Variants in TGIF1 observed in about 807,000 individuals in gnomAD.
The protein encoded by TGIF1 is TGFB induced factor homeobox 1.
In TGIF1, 4 loss-of-function variants were observed where a neutral mutation model predicts 19.3. The observed-to-expected ratio is 0.21, with a 90% CI of 0.10 to 0.47. The LOEUF is 0.47. Ranked by LOEUF, TGIF1 falls within the 20% of genes least tolerant of loss-of-function variation. TGIF1 has a pLI of 0.98. For missense variants in TGIF1, 275 were observed against 341.4 expected, an observed-to-expected ratio of 0.81 and a Z score of 1.53; for synonymous variants, 122 against 129.3, an observed-to-expected ratio of 0.94 and a Z score of 0.38.
chr18:3,449,342 C>T, upstream of TGIF1: 1 of 981,756 alleles, frequency 1.0e-6, no homozygotes, highest in African/African-American at 1.7e-5. Flanking sequence ...GGTTCGGCGA[C>T]TCGGGGTGTC....
Position 3,451,514 on chromosome 18 carries a change from GA to G in TGIF1, c.16+1011del, listed in dbSNP as rs1238749932. 2 of 996,306 alleles carry G rather than the reference GA, an allele frequency of 2.0e-6. No homozygotes were observed. Among genetic ancestry groups the G allele is most frequent in the African/African-American group, 3.5e-5 (2 of 57,706 alleles). The allele number at this position is 996,306 out of a possible 1,614,324, so 61.7% of individuals were successfully genotyped here. On this transcript the variant is annotated intron_variant, in intron 1 of 2. Transcript: ENST00000343820. This position sits in a 1 kb window ranked among gnomAD's most constrained non-coding sequence, Gnocchi z 5.4. ...GATTTATGTGGAGTGGTTCAAAACA[GA>G]AGTTAATCACTCGGGAAGCGGACGG... is the stretch of plus-strand genomic sequence containing the variant.
upstream of TGIF1, among the ~76,000 whole-genome samples, chr18:3,445,339 G>A (rs1042453599): frequency 6.6e-6 from 1 of 152,108 alleles, no homozygotes; most frequent in African/African-American, 2.4e-5. Context: ...ATGCCTAAAT[G>A]AAGAATGGAA....
chr18:3,442,524 A>T (rs879282535), intron 2 of TGIF1, among the ~76,000 whole-genome samples: 9 of 152,092 alleles, frequency 5.9e-5, no homozygotes, highest in Non-Finnish European at 7.4e-5. Context: ...GCTGTCCCTT[A>T]CTTATCATTT....
chr18:3,452,224 C>T lies in TGIF1; in HGVS notation c.16+1719C>T, dbSNP rs559432063. 7 of 1,593,512 alleles carry T rather than the reference C, an allele frequency of 4.4e-6. No homozygotes were observed. In the Admixed American group the frequency reaches 5.0e-5, roughly 11 times the overall value. On this transcript the variant is annotated intron_variant, in intron 1 of 2. Coordinates refer to ENST00000343820, the MANE Select transcript of TGIF1 (RefSeq NM_003244.4). ...CTCCTGGGGTCCTCCTGCGCCCCCC[C>T]TCCTCCACCGGCGCGCTGCCCACAG... is the stretch of plus-strand genomic sequence containing the variant.
At chr18:3,441,660 T>C (rs1272578185) in intron 2 of TGIF1, among the ~76,000 whole-genome samples, 1 of 152,356 alleles carries the variant, frequency 6.6e-6, no homozygotes, top group Admixed American at 6.5e-5. Flanking sequence ...TAAATTACTT[T>C]TACATTTCAT....
rs1009449985 is a variant in TGIF1, at chr18:3,459,423, C to T, written c.*1483C>T. 5.3e-5 allele frequency: 8 copies of T among 152,150 alleles called. No individual in the cohort carries two copies. The East Asian group carries it at 7.7e-4, about 15-fold the overall frequency. 9.4% of individuals were successfully genotyped at this position (152,150 alleles called of 1,614,324 possible). On this transcript the variant is annotated 3_prime_UTR_variant, in exon 3 of 3. Transcript: ENST00000343820. ...AAATTAGGTGAGGGAATGTTGTGCT[C>T]TAGCCTGTGGGGTGCAGCTTCGTAG...
rs886823178 is a variant in TGIF1 at position 3,456,333 on chromosome 18, C to G, written c.17-21C>G. 1 of 1,609,496 alleles carries G rather than the reference C, an allele frequency of 6.2e-7. No individual in the cohort carries two copies. The highest frequency in any genetic ancestry group is 1.3e-5 in the African/African-American group (1 of 74,824). Reference sequence around the variant, plus strand: ...GCTGTGCTTATAAAGCAACTGACAACTGGCCCTTGTCCTTTCCTAGGTATT... The same window carrying G: ...GCTGTGCTTATAAAGCAACTGACAAGTGGCCCTTGTCCTTTCCTAGGTATT... On this transcript the variant is annotated intron_variant, in intron 1 of 2. Transcript: ENST00000343820. This position sits in a 1 kb window ranked among gnomAD's most constrained non-coding sequence, Gnocchi z 4.2.
chr18:3,444,654 C>T (rs931112877), intron 2 of TGIF1, among the ~76,000 whole-genome samples: 7 of 151,752 alleles, frequency 4.6e-5, no homozygotes, highest in African/African-American at 1.5e-4. Flanking sequence ...GTTTTTGAGA[C>T]GGAGTCTCAC....
chr18:3,449,695 G>C, upstream of TGIF1: 15 of 985,446 alleles, frequency 1.5e-5, no homozygotes, highest in Non-Finnish European at 1.8e-5. Flanking sequence ...CCCGTGCCCC[G>C]CCCCTTGAAT....
chr18:3,457,952 G>A lies in TGIF1; in HGVS notation c.*12G>A. ...AACTTACAGCTTAACCCATTTTCAA[G>A]CAAAACAGTTCTCAGAAATGTCATG... On this transcript the variant is annotated 3_prime_UTR_variant, in exon 3 of 3. Transcript: ENST00000343820. The surrounding 1 kb of genome is among the most constrained non-coding windows in gnomAD (Gnocchi z 4.9). The A allele has an allele frequency of 6.3e-7, 1 of 1,598,686 alleles. No individual in the cohort carries two copies. The highest frequency in any genetic ancestry group is 1.1e-5 in the South Asian group (1 of 91,040).
At chr18:3,430,671 A>ATTT (rs759165103) in intron 2 of TGIF1, among the ~76,000 whole-genome samples, 3 of 130,374 alleles carry the variant, frequency 2.3e-5, no homozygotes, top group Admixed American at 1.6e-4. Flanking sequence ...CACCCGGCTA[A>ATTT]TTTTTTTTTT....
intron 2 of TGIF1, among the ~76,000 whole-genome samples, chr18:3,426,188 A>ATTTTTT (rs2082466076): frequency 5.1e-5 from 3 of 58,354 alleles, no homozygotes; most frequent in African/African-American, 4.2e-4. Context: ...TTTTTTTTTG[A>ATTTTTT]GACAGGGTCT....
At chr18:3,439,836 C>T (rs541369602) in intron 2 of TGIF1, among the ~76,000 whole-genome samples, 38 of 151,698 alleles carry the variant, frequency 2.5e-4, no homozygotes, top group South Asian at 4.2e-4. Context: ...GACTGGGCAA[C>T]GTAGTGAAAC....
intron 2 of TGIF1, among the ~76,000 whole-genome samples, chr18:3,438,925 A>T (rs1354346017): frequency 6.6e-6 from 1 of 152,240 alleles, no homozygotes; most frequent in Non-Finnish European, 1.5e-5. Context: ...CTCTCTGACA[A>T]GAAGAAATTG....
intron 2 of TGIF1, among the ~76,000 whole-genome samples, chr18:3,424,676 G>A (rs770920256): frequency 2.6e-5 from 4 of 152,128 alleles, no homozygotes; most frequent in South Asian, 2.1e-4. Flanking sequence ...CCCCAGCCTC[G>A]GGGAGGAGAG....
chr18:3,432,613 G>T (rs541354960), intron 2 of TGIF1, among the ~76,000 whole-genome samples: 1 of 152,216 alleles, frequency 6.6e-6, no homozygotes, highest in Non-Finnish European at 1.5e-5. Flanking sequence ...AATGATTCAG[G>T]AATAAAAGAC....
chr18:3,457,810 G>A lies in TGIF1; in HGVS notation c.689G>A (p.Ser230Asn), dbSNP rs1369457432. 1 of 1,613,622 alleles carries A rather than the reference G, an allele frequency of 6.2e-7. No homozygotes were observed. Among genetic ancestry groups the A allele is most frequent in the Non-Finnish European group, 8.5e-7 (1 of 1,180,032 alleles). The stretch of plus-strand genomic sequence containing the variant: ...TCTGGACCAAGTACGAATACACAGA[G>A]TGGTCTTTTCAACACTCCTCCCCCT... ...CKSGPSTNTQSGLFNTPPPTP... is the reference protein window; with the variant it reads ...CKSGPSTNTQNGLFNTPPPTP... The change falls in exon 3 of 3, where the codon AGT becomes AAT. Residue 230 changes from serine to asparagine, a missense_variant. Physicochemically the swap from Ser to Asn is conservative, Grantham distance 46. Transcript: ENST00000343820. The surrounding 1 kb of genome is among the most constrained non-coding windows in gnomAD (Gnocchi z 4.9).
rs913964200 is a variant in TGIF1 at position 3,459,959 on chromosome 18, T to G, written c.*2019T>G. The G allele has an allele frequency of 6.6e-6, 1 of 152,188 alleles. No individual in the cohort carries two copies. The highest frequency in any genetic ancestry group is 6.5e-5 in the Admixed American group (1 of 15,286). 9.4% of individuals were successfully genotyped at this position (152,188 alleles called of 1,614,324 possible). On this transcript the variant is annotated 3_prime_UTR_variant, in exon 3 of 3. Transcript: ENST00000343820. ...TATAATTTACATGGTGCAATATATC[T>G]TTTTAATTTGTTTACTTTTCACCTA... is the stretch of plus-strand genomic sequence containing the variant.
chr18:3,452,276 G>A (rs763117453), intron 1 of TGIF1: 2 of 1,610,572 alleles, frequency 1.2e-6, no homozygotes, highest in South Asian at 2.2e-5. Context: ...CGGAGCTGGG[G>A]ACCAAGGCTG....
Sources: allele counts gnomAD v4.1 joint callset (sites outside exome capture counted in the v4.1 genomes callset), GRCh38; gene constraint gnomAD v4.1.1; non-coding constraint Gnocchi (gnomAD v3.1); transcripts MANE v1.5; gene names NCBI Gene and HGNC (gene_info 2026-07-23, HGNC 2026-07-21).